ATP11B: variants seen among roughly 807,000 people sequenced by gnomAD.
ATP11B encodes the protein phospholipid-transporting ATPase IF.
A neutral mutation model predicts 157.8 loss-of-function variants in ATP11B; 81 were observed. The ratio of observed to expected loss-of-function variants is 0.51; its 90% CI spans 0.43 to 0.62. The LOEUF (loss-of-function observed/expected upper bound fraction) is 0.62. ATP11B is among the 20% of genes least tolerant of loss of function. ATP11B has a pLI of 0.00. For synonymous variants in ATP11B, 451 were observed against 469.4 expected (o/e 0.96, Z 0.51); for missense variants, 1,165 against 1,402.2 (o/e 0.83, Z 2.70).
chr3:182,826,631 A>G (rs1238260852), intron 2 of ATP11B, among the ~76,000 whole-genome samples: 3 of 152,196 alleles, frequency 2.0e-5, no homozygotes, highest in Admixed American at 1.3e-4. Flanking sequence ...TTCTGGAACC[A>G]CTGCTGCCGC....
intron 8 of ATP11B, among the ~76,000 whole-genome samples, chr3:182,845,162 G>A (rs1004430535): frequency 5.9e-5 from 9 of 151,840 alleles, no homozygotes; most frequent in Non-Finnish European, 1.3e-4. Context: ...ATGCCGCCAC[G>A]CCTGGCTAAT....
chr3:182,832,739 A>T (rs1332721638), intron 4 of ATP11B, among the ~76,000 whole-genome samples: 1 of 152,190 alleles, frequency 6.6e-6, no homozygotes, highest in Non-Finnish European at 1.5e-5. Flanking sequence ...GTGTAATGCA[A>T]GATACAGTGC....
At chr3:182,822,429 CCTG>C (rs1462024873) in intron 2 of ATP11B, among the ~76,000 whole-genome samples, 2 of 152,076 alleles carry the variant, frequency 1.3e-5, no homozygotes, top group Non-Finnish European at 2.9e-5. Flanking sequence ...CATCCGTGTC[CCTG>C]CAAAGGACAT....
At chr3:182,857,677 G>A (rs1720514556) in intron 10 of ATP11B, among the ~76,000 whole-genome samples, 1 of 151,910 alleles carries the variant, frequency 6.6e-6, no homozygotes, top group African/African-American at 2.4e-5. Flanking sequence ...CTTGTAACCT[G>A]TGTGCACTGG....
chr3:182,802,174 G>A (rs1716055817), intron 1 of ATP11B, among the ~76,000 whole-genome samples: 3 of 152,120 alleles, frequency 2.0e-5, no homozygotes, highest in Admixed American at 2.0e-4. Flanking sequence ...GATATATCCA[G>A]AACCATTTCT....
At chr3:182,893,846 A>G (rs1723339139) in intron 25 of ATP11B, among the ~76,000 whole-genome samples, 1 of 152,176 alleles carries the variant, frequency 6.6e-6, no homozygotes, top group Non-Finnish European at 1.5e-5. Context: ...CATGCATGCC[A>G]ACATCTATTT....
chr3:182,867,317 A>G (rs1317140127), intron 14 of ATP11B, 59 bp from the exon 15 acceptor site: 9 of 960,620 alleles, frequency 9.4e-6, no homozygotes, highest in African/African-American at 5.0e-5. Context: ...CTATAGTGAC[A>G]TTGTGAAATA....
At chr3:182,889,619 G>T in intron 25 of ATP11B, 71 bp downstream of exon 25, 1 of 1,292,564 alleles carries the variant, frequency 7.7e-7, no homozygotes. Flanking sequence ...TTGTCATAAA[G>T]TAAAATTTAA....
At chr3:182,900,966 G>A (rs1161284382) in intron 28 of ATP11B, among the ~76,000 whole-genome samples, 1 of 152,002 alleles carries the variant, frequency 6.6e-6, no homozygotes, top group Non-Finnish European at 1.5e-5. Flanking sequence ...TGGATCACGA[G>A]GTCAGGAGAT....
intron 17 of ATP11B, among the ~76,000 whole-genome samples, chr3:182,870,040 T>C (rs545743966): frequency 6.6e-6 from 1 of 152,202 alleles, no homozygotes; most frequent in South Asian, 2.1e-4. Context: ...ATATGAAATA[T>C]CCAGAATAGG....
intron 10 of ATP11B, among the ~76,000 whole-genome samples, chr3:182,853,324 C>CA (rs1720121881): frequency 6.6e-6 from 1 of 152,156 alleles, no homozygotes; most frequent in African/African-American, 2.4e-5. Flanking sequence ...TCTTTTGCCT[C>CA]AGCCTCCCGA....
chr3:182,849,000 C>G (rs1419446350), intron 10 of ATP11B, among the ~76,000 whole-genome samples: 1 of 152,128 alleles, frequency 6.6e-6, no homozygotes, highest in Admixed American at 6.5e-5. Flanking sequence ...CTTGGGACAT[C>G]AAAAAGTCTG....
rs1720657215 is a variant in ATP11B, at chr3:182,859,353, T to C, written c.1194T>C (p.Leu398=). Residue 398 remains leucine, a synonymous_variant, in exon 12 of 30, where the codon CTT becomes CTC. Transcript: ENST00000323116. ...QVNTSDLNEE[L]GQVEYVFTDK... is the part of the protein sequence containing the mutation. ...ATACTTCCGATCTGAATGAAGAGCT[T>C]GGACAGGTGAAAATGATCCTAATAT... 6.3e-7 allele frequency: 1 copy of C among 1,581,046 alleles called. No individual in the cohort carries two copies. The highest frequency in any genetic ancestry group is 8.6e-7 in the Non-Finnish European group (1 of 1,163,422).
At chr3:182,816,431 A>G (rs953256916) in intron 1 of ATP11B, among the ~76,000 whole-genome samples, 4 of 152,226 alleles carry the variant, frequency 2.6e-5, no homozygotes, top group African/African-American at 9.6e-5. Flanking sequence ...GAACCTTGCC[A>G]TGTAGCCTTG....
chr3:182,835,734 G>A (rs1451596224), intron 4 of ATP11B, among the ~76,000 whole-genome samples: 1 of 152,138 alleles, frequency 6.6e-6, no homozygotes, highest in Non-Finnish European at 1.5e-5. Flanking sequence ...AAATCTCTTA[G>A]TGAGAAAGAG....
At chr3:182,902,353 C>A in intron 28 of ATP11B, 1 of 319,242 alleles carries the variant, frequency 3.1e-6, no homozygotes. Context: ...GTATGTGTAT[C>A]ACGTATGATA....
rs1304098329 is a variant in ATP11B, at chr3:182,820,245, C to G, written c.28-15C>G. 4 of 1,546,698 alleles carry G rather than the reference C, an allele frequency of 2.6e-6. No individual in the cohort carries two copies. Among genetic ancestry groups the G allele is most frequent in the Non-Finnish European group, 3.6e-6 (4 of 1,120,030 alleles). ...TTGACTAGTATTTCTTTTTCTCTTG[C>G]TTGATTGGTCTTAGGGTTTTGACCC... is the stretch of plus-strand genomic sequence containing the variant. On this transcript the variant is annotated splice_polypyrimidine_tract_variant and intron_variant, in intron 1 of 29. Coordinates refer to ENST00000323116, the MANE Select transcript of ATP11B (RefSeq NM_014616.3).
intron 28 of ATP11B, among the ~76,000 whole-genome samples, chr3:182,903,300 G>A (rs1485563095): frequency 6.6e-6 from 1 of 151,688 alleles, no homozygotes; most frequent in East Asian, 1.9e-4. Context: ...TTGCCCTATT[G>A]GTTTCTTACA....
intron 12 of ATP11B, among the ~76,000 whole-genome samples, chr3:182,863,815 A>G (rs963682432): frequency 3.3e-5 from 5 of 152,038 alleles, no homozygotes; most frequent in South Asian, 2.1e-4. Context: ...TCTGTATTCT[A>G]GTAACCTCTG....
Sources: allele counts gnomAD v4.1 joint callset (sites outside exome capture counted in the v4.1 genomes callset), GRCh38; gene constraint gnomAD v4.1.1; transcripts MANE v1.5; gene names NCBI Gene and HGNC (gene_info 2026-07-23, HGNC 2026-07-21).